SMYD3: variants seen among roughly 807,000 people sequenced by gnomAD.
The protein encoded by SMYD3 is SET and MYND domain containing 3.
SMYD3 carries 36 observed loss-of-function variants against 57.7 expected under a neutral mutation model. The ratio of observed to expected loss-of-function variants is 0.62; its 90% CI spans 0.48 to 0.82. The LOEUF (loss-of-function observed/expected upper bound fraction) is 0.82. SMYD3 is among the 40% of genes least tolerant of loss of function. The pLI is 0.00. For synonymous variants in SMYD3, 211 were observed against 195.0 expected (o/e 1.08, Z -0.68); for missense variants, 515 against 538.8 (o/e 0.96, Z 0.44).
intron 5 of SMYD3, among the ~76,000 whole-genome samples, chr1:246,249,715 T>C (rs924801143): frequency 6.6e-6 from 1 of 152,228 alleles, no homozygotes; most frequent in African/African-American, 2.4e-5. Context: ...GTGTTTGTAT[T>C]TATGTACTTC....
chr1:245,849,920 T>A (rs1396597786), intron 10 of SMYD3, among the ~76,000 whole-genome samples: 1 of 152,176 alleles, frequency 6.6e-6, no homozygotes, highest in Non-Finnish European at 1.5e-5. Flanking sequence ...CCCAAAGTGC[T>A]GGGATTGCAA....
At chr1:246,259,531 GTTC>G in intron 5 of SMYD3, among the ~76,000 whole-genome samples, 1 of 152,054 alleles carries the variant, frequency 6.6e-6, no homozygotes, top group East Asian at 1.9e-4. Flanking sequence ...GTTTCTACCA[GTTC>G]TTCTGGTAGG....
intron 5 of SMYD3, among the ~76,000 whole-genome samples, chr1:245,940,046 T>C (rs1479974003): frequency 6.6e-6 from 1 of 152,180 alleles, no homozygotes; most frequent in Admixed American, 6.5e-5. Context: ...ACTGTTTCTT[T>C]AGGTGGGTCA....
chr1:245,805,601 TGCCAAAATTTGTGGCACAG>T (rs2048110660), intron 10 of SMYD3, among the ~76,000 whole-genome samples: 1 of 152,244 alleles, frequency 6.6e-6, no homozygotes, highest in African/African-American at 2.4e-5. Context: ...TTTAATTTAC[TGCCAAAATTTGTGGCACAG>T]GAAAGGGATA....
intron 8 of SMYD3, among the ~76,000 whole-genome samples, chr1:245,887,820 A>G (rs374662100): frequency 4.5e-4 from 69 of 152,312 alleles, no homozygotes; most frequent in Non-Finnish European, 1.3e-4. Context: ...TGGTTGGCCT[A>G]TGATATATGT....
chr1:246,439,516 C>A (rs2067431567), intron 1 of SMYD3, among the ~76,000 whole-genome samples: 1 of 152,148 alleles, frequency 6.6e-6, no homozygotes, highest in Non-Finnish European at 1.5e-5. Context: ...ACAATTATCA[C>A]CTTTGGTAAC....
intron 5 of SMYD3, among the ~76,000 whole-genome samples, chr1:246,316,017 C>T (rs2065150306): frequency 6.6e-6 from 1 of 152,150 alleles, no homozygotes; most frequent in Non-Finnish European, 1.5e-5. Flanking sequence ...TATTATATCT[C>T]TAAAACATAT....
chr1:246,177,958 A>G (rs933673920), intron 5 of SMYD3, among the ~76,000 whole-genome samples: 2 of 152,316 alleles, frequency 1.3e-5, no homozygotes, highest in African/African-American at 4.8e-5. Context: ...GCTTTCAAAA[A>G]GGGTGCTGCC....
rs188578133 is a variant in SMYD3 at position 246,164,041 on chromosome 1, C to G, written c.531+163160G>C. Among the ~76,000 whole-genome samples the G allele has an allele frequency of 2.0e-5, 3 of 152,196 alleles. No individual in the cohort carries two copies. The East Asian group carries it at 5.8e-4, about 29-fold the overall frequency. On this transcript the variant is annotated intron_variant, in intron 5 of 11. Transcript: ENST00000490107. Reference sequence around the variant, plus strand: ...TCTGCTGGGTTTCCTCCTCTACCCCCACCCTAGCAAGAGTCAACTCAGACC... The same window carrying G: ...TCTGCTGGGTTTCCTCCTCTACCCCGACCCTAGCAAGAGTCAACTCAGACC...
chr1:246,005,004 C>T (rs2059144586), intron 5 of SMYD3, among the ~76,000 whole-genome samples: 1 of 152,074 alleles, frequency 6.6e-6, no homozygotes, highest in Non-Finnish European at 1.5e-5. Context: ...CACCACCATG[C>T]CTGGCTAATT....
intron 1 of SMYD3, among the ~76,000 whole-genome samples, chr1:246,469,184 C>T (rs549357055): frequency 1.9e-4 from 29 of 152,294 alleles, no homozygotes; most frequent in African/African-American, 6.0e-4. Context: ...CTGCTGTTAG[C>T]CACCTGCTTT....
chr1:245,967,264 T>C (rs2058179425), intron 5 of SMYD3, among the ~76,000 whole-genome samples: 1 of 152,210 alleles, frequency 6.6e-6, no homozygotes, highest in South Asian at 2.1e-4. Flanking sequence ...AGGAACATGG[T>C]CATTTCAAAT....
intron 5 of SMYD3, among the ~76,000 whole-genome samples, chr1:245,941,421 G>A (rs2057240280): frequency 6.6e-6 from 1 of 152,158 alleles, no homozygotes; most frequent in African/African-American, 2.4e-5. Context: ...CAGAGAGAAA[G>A]GCCAGGTCAC....
chr1:246,320,074 T>C (rs1232422804), intron 5 of SMYD3, among the ~76,000 whole-genome samples: 2 of 152,172 alleles, frequency 1.3e-5, no homozygotes, highest in African/African-American at 4.8e-5. Flanking sequence ...CCACAAAATA[T>C]TAAATCGCGA....
rs567985690 is a variant in SMYD3 at position 245,810,419 on chromosome 1, C to T, written c.1077-46270G>A. 5.3e-5 allele frequency among the ~76,000 whole-genome samples: 8 copies of T among 152,328 alleles called. No individual in the cohort carries two copies. The East Asian group carries it at 1.5e-3, about 29-fold the overall frequency. ...AATCCCCCGCTAATCCTCCTTACTC[C>T]CTTCCCAGAACTCTAAGCATCCTTG... is the stretch of plus-strand genomic sequence containing the variant. On this transcript the variant is annotated intron_variant, in intron 10 of 11. Coordinates refer to ENST00000490107, the MANE Select transcript of SMYD3 (RefSeq NM_001167740.2).
intron 5 of SMYD3, among the ~76,000 whole-genome samples, chr1:246,228,682 A>T (rs2063366667): frequency 6.6e-6 from 1 of 152,208 alleles, no homozygotes; most frequent in Non-Finnish European, 1.5e-5. Flanking sequence ...TAAGAAGTTC[A>T]AAATCTTTAT....
chr1:246,014,069 A>C (rs1444178715), intron 5 of SMYD3, among the ~76,000 whole-genome samples: 2 of 152,232 alleles, frequency 1.3e-5, no homozygotes, highest in Non-Finnish European at 2.9e-5. Flanking sequence ...TCACGCCTGT[A>C]ATCCCAACAC....
At chr1:246,432,593 G>C (rs969820887) in intron 1 of SMYD3, among the ~76,000 whole-genome samples, 2 of 152,218 alleles carry the variant, frequency 1.3e-5, no homozygotes, top group Non-Finnish European at 2.9e-5. Context: ...TTCACGATGT[G>C]AGGTTGAGTT....
chr1:245,911,694 T>C (rs573263319), intron 8 of SMYD3, among the ~76,000 whole-genome samples: 3 of 152,134 alleles, frequency 2.0e-5, no homozygotes, highest in African/African-American at 7.2e-5. Context: ...GGTGATTTTA[T>C]AGAGATAGTG....
Sources: gnomAD v4.1 joint callset for allele counts (sites outside exome capture counted in the v4.1 genomes callset) on GRCh38, gnomAD v4.1.1 for gene constraint, MANE v1.5 for transcripts, NCBI Gene and HGNC (gene_info 2026-07-23, HGNC 2026-07-21) for gene names.